GPC5: variants seen among roughly 807,000 people sequenced by gnomAD.
GPC5 encodes glypican-5.
A neutral mutation model predicts 53.9 loss-of-function variants in GPC5; 47 were observed. That is an observed-to-expected ratio of 0.87 (90% CI 0.69 to 1.11). The LOEUF is 1.11. Among genes scored for constraint, GPC5 ranks in the 50% most tolerant of loss-of-function variants. The probability of loss-of-function intolerance (pLI) is 0.00; values close to 1 mark genes in which losing one functional copy is unlikely to be tolerated. For missense variants in GPC5, 748 were observed against 713.1 expected (o/e 1.05, Z -0.56); for synonymous variants, 286 against 263.3 (o/e 1.09, Z -0.84).
chr13:92,656,468 C>A (rs1594388568), intron 7 of GPC5, among the ~76,000 whole-genome samples: 1 of 152,052 alleles, frequency 6.6e-6, no homozygotes, highest in African/African-American at 2.4e-5. Flanking sequence ...TTTCTCCAGG[C>A]AGGACACCCA....
chr13:92,537,935 G>A (rs1240680337), intron 7 of GPC5, among the ~76,000 whole-genome samples: 4 of 152,036 alleles, frequency 2.6e-5, no homozygotes, highest in Non-Finnish European at 4.4e-5. Context: ...ATTTTTGAAA[G>A]GGTGGGATTT....
At chr13:91,585,546 A>C (rs1215757474) in intron 2 of GPC5, among the ~76,000 whole-genome samples, 1 of 152,232 alleles carries the variant, frequency 6.6e-6, no homozygotes, top group Non-Finnish European at 1.5e-5. Flanking sequence ...TATACTGTGC[A>C]ATTATATTAA....
chr13:91,836,176 T>C (rs777728545), intron 5 of GPC5, among the ~76,000 whole-genome samples: 1 of 152,082 alleles, frequency 6.6e-6, no homozygotes, highest in Non-Finnish European at 1.5e-5. Context: ...AATGTTGTAA[T>C]TAAAAACTAT....
At chr13:91,978,195 A>C (rs765233610) in intron 6 of GPC5, among the ~76,000 whole-genome samples, 5 of 152,212 alleles carry the variant, frequency 3.3e-5, no homozygotes, top group Non-Finnish European at 7.3e-5. Flanking sequence ...CCCAGCTGAA[A>C]GCTAAGGAGA....
intron 5 of GPC5, among the ~76,000 whole-genome samples, chr13:91,770,008 G>C (rs925984388): frequency 2.0e-5 from 3 of 152,176 alleles, no homozygotes; most frequent in Admixed American, 2.0e-4. Context: ...TAGGTCCCCA[G>C]ATTATGCACA....
At chr13:92,222,481 A>T (rs1282790891) in intron 7 of GPC5, among the ~76,000 whole-genome samples, 4 of 152,202 alleles carry the variant, frequency 2.6e-5, no homozygotes, top group African/African-American at 9.6e-5. Flanking sequence ...GAAAGTGATA[A>T]TTCAAAACTA....
intron 7 of GPC5, among the ~76,000 whole-genome samples, chr13:92,647,525 T>G (rs1173062571): frequency 2.6e-5 from 4 of 152,092 alleles, no homozygotes; most frequent in African/African-American, 9.7e-5. Context: ...GTTGAAGACA[T>G]GACAAGGAAT....
At chr13:92,673,635 G>C (rs2139209874) in intron 7 of GPC5, among the ~76,000 whole-genome samples, 2 of 152,146 alleles carry the variant, frequency 1.3e-5, no homozygotes, top group Middle Eastern at 3.4e-3. Context: ...ATTTCACTTT[G>C]ATGAACCAAC....
chr13:92,727,413 CTTTT>C (rs71806874), intron 7 of GPC5, among the ~76,000 whole-genome samples: 2 of 151,290 alleles, frequency 1.3e-5, no homozygotes, highest in African/African-American at 4.8e-5. Flanking sequence ...TCCTCCATTT[CTTTT>C]TGTCAGTCCA....
intron 2 of GPC5, among the ~76,000 whole-genome samples, chr13:91,613,562 G>A (rs1310642818): frequency 6.6e-6 from 1 of 152,144 alleles, no homozygotes; most frequent in East Asian, 1.9e-4. Context: ...GATCAATTAG[G>A]AATGTGCGTT....
chr13:91,540,783 G>T (rs961950907), intron 2 of GPC5, among the ~76,000 whole-genome samples: 9 of 152,038 alleles, frequency 5.9e-5, no homozygotes, highest in African/African-American at 2.2e-4. Context: ...GATTCCCTGT[G>T]ATCATGATCC....
intron 7 of GPC5, among the ~76,000 whole-genome samples, chr13:92,711,770 A>T (rs1173617061): frequency 6.6e-6 from 1 of 152,092 alleles, no homozygotes; most frequent in East Asian, 1.9e-4. Context: ...ATTAGAAATC[A>T]ATAGCAGAAA....
At chr13:92,696,864 C>A (rs931224577) in intron 7 of GPC5, among the ~76,000 whole-genome samples, 1 of 151,982 alleles carries the variant, frequency 6.6e-6, no homozygotes, top group African/African-American at 2.4e-5. Flanking sequence ...CATCTTGAGT[C>A]AATTTCTGTA....
At chr13:91,483,433 A>G (rs1883412993) in intron 2 of GPC5, among the ~76,000 whole-genome samples, 1 of 152,172 alleles carries the variant, frequency 6.6e-6, no homozygotes, top group African/African-American at 2.4e-5. Flanking sequence ...TCTATCTAGG[A>G]ATCTCTGCAT....
chr13:91,827,383 C>T (rs962916184), intron 5 of GPC5, among the ~76,000 whole-genome samples: 4 of 151,976 alleles, frequency 2.6e-5, no homozygotes, highest in Non-Finnish European at 5.9e-5. Flanking sequence ...ATAATATGCA[C>T]ACAGGCACGA....
chr13:91,782,071 TTTTTACCTGCTGAATGCATTTTGTTTTTA>T (rs1204781655), intron 5 of GPC5, among the ~76,000 whole-genome samples: 6 of 152,202 alleles, frequency 3.9e-5, no homozygotes, highest in African/African-American at 1.4e-4. Context: ...ATTATATATA[TTTTTACCTGCTGAATGCATTTTGTTTTTA>T]GTCTGATGTT....
chr13:92,395,391 A>G (rs1011980971), intron 7 of GPC5, among the ~76,000 whole-genome samples: 1 of 152,126 alleles, frequency 6.6e-6, no homozygotes, highest in Admixed American at 6.5e-5. Context: ...ACTATTCCCA[A>G]TTCCCCCGTT....
rs148185749 is a variant in GPC5, at chr13:92,453,487, A to C, written c.1561+308498A>C. ...ACTGAATGACATGAGCCCCGCGCCGACTCCAAGATTAGCAAATAAATTGAA... is the reference window on the plus strand; with the variant it reads ...ACTGAATGACATGAGCCCCGCGCCGCCTCCAAGATTAGCAAATAAATTGAA... On this transcript the variant is annotated intron_variant, in intron 7 of 7. Transcript: ENST00000377067. Among the ~76,000 whole-genome samples, 14 of 152,084 alleles carry C rather than the reference A, an allele frequency of 9.2e-5. No homozygotes were observed. In the East Asian group the frequency reaches 2.7e-3, roughly 29 times the overall value.
intron 7 of GPC5, among the ~76,000 whole-genome samples, chr13:92,703,796 C>A (rs1887847441): frequency 6.6e-6 from 1 of 151,550 alleles, no homozygotes; most frequent in South Asian, 2.1e-4. Context: ...GTGTTCTGTT[C>A]AGTAAGTTTA....
Sources: allele counts gnomAD v4.1 joint callset (sites outside exome capture counted in the v4.1 genomes callset), GRCh38; gene constraint gnomAD v4.1.1; transcripts MANE v1.5; gene names NCBI Gene and HGNC (gene_info 2026-07-23, HGNC 2026-07-21).